Variants in CPNE8 observed in about 807,000 individuals in gnomAD.
CPNE8 encodes copine 8.
In CPNE8, 45 loss-of-function variants were observed where a neutral mutation model predicts 81.5. The ratio of observed to expected loss-of-function variants is 0.55; its 90% CI spans 0.44 to 0.71. The LOEUF is 0.71. CPNE8 is among the 30% of genes least tolerant of loss of function. The pLI, the probability that CPNE8 is intolerant of heterozygous loss-of-function variation, is 0.00. For synonymous variants in CPNE8, 252 were observed against 226.3 expected (o/e 1.11, Z -1.02); for missense variants, 594 against 672.1 (o/e 0.88, Z 1.28).
At chr12:38,724,617 C>G (rs1940650590) in intron 12 of CPNE8, among the ~76,000 whole-genome samples, 1 of 152,106 alleles carries the variant, frequency 6.6e-6, no homozygotes, top group African/African-American at 2.4e-5. Context: ...GGCCTTGCAG[C>G]CCCTAGGATA....
At chr12:38,747,786 G>T (rs776160184) in intron 10 of CPNE8, among the ~76,000 whole-genome samples, 52 of 151,898 alleles carry the variant, frequency 3.4e-4, no homozygotes, top group Admixed American at 6.6e-4. Context: ...TACTAATCAC[G>T]CTGAATACTT....
intron 8 of CPNE8, among the ~76,000 whole-genome samples, chr12:38,767,002 T>C: frequency 6.6e-6 from 1 of 152,118 alleles, no homozygotes; most frequent in Admixed American, 6.5e-5. Flanking sequence ...GGTTATTATT[T>C]AAATCTAGAC....
At chr12:38,750,139 G>C (rs1237431506) in intron 10 of CPNE8, among the ~76,000 whole-genome samples, 1 of 152,136 alleles carries the variant, frequency 6.6e-6, no homozygotes, top group Non-Finnish European at 1.5e-5. Context: ...TTCAGAGGGT[G>C]GAAGCCCCAA....
chr12:38,670,960 A>G, intron 18 of CPNE8, 158 bp from the exon 19 acceptor site: 1 of 537,792 alleles, frequency 1.9e-6, no homozygotes, highest in East Asian at 3.3e-5. Flanking sequence ...TTCTCATACA[A>G]AACTTGATTA....
In CPNE8 at chr12:38,670,721, T is replaced by C. The variant is rs1939156130; in HGVS notation, c.1506+8A>G. 2 of 1,592,866 alleles carry C rather than the reference T, an allele frequency of 1.3e-6. No individual in the cohort carries two copies. The highest frequency in any genetic ancestry group is 1.7e-6 in the Non-Finnish European group (2 of 1,164,960). On this transcript the variant is annotated splice_region_variant and intron_variant, in intron 19 of 19. Transcript: ENST00000331366. ...CAATAGTAAAGTAGGAAAAGGTTTA[T>C]TTCTTACCTGCACAATGTCTCTTTC...
At chr12:38,790,279 C>T (rs1175004289) in intron 6 of CPNE8, among the ~76,000 whole-genome samples, 1 of 151,532 alleles carries the variant, frequency 6.6e-6, no homozygotes, top group East Asian at 1.9e-4. Context: ...TGAGATCCTG[C>T]CATTTAAAAC....
chr12:38,902,674 C>G (rs79770455), intron 1 of CPNE8, among the ~76,000 whole-genome samples: 1 of 152,062 alleles, frequency 6.6e-6, no homozygotes, highest in African/African-American at 2.4e-5. Context: ...ATAGAGAAAG[C>G]GGGAACAGGT....
At chr12:38,676,299 C>G (rs1229805954) in intron 17 of CPNE8, 1 of 984,528 alleles carries the variant, frequency 1.0e-6, no homozygotes, top group Admixed American at 6.2e-5. Context: ...CACATTAATC[C>G]AGTGGGACAT....
chr12:38,816,170 G>C (rs1943020929), intron 6 of CPNE8, among the ~76,000 whole-genome samples: 1 of 151,914 alleles, frequency 6.6e-6, no homozygotes, highest in African/African-American at 2.4e-5. Flanking sequence ...CCTAAGTCTT[G>C]GGAAACAAGT....
chr12:38,713,438 T>C (rs1459515381), intron 13 of CPNE8, among the ~76,000 whole-genome samples: 1 of 152,208 alleles, frequency 6.6e-6, no homozygotes, highest in Non-Finnish European at 1.5e-5. Flanking sequence ...GCATGTTTTC[T>C]TATTCCAGAA....
intron 4 of CPNE8, 147 bp downstream of exon 4, chr12:38,848,412 C>G: frequency 7.7e-7 from 1 of 1,301,532 alleles, no homozygotes; most frequent in Admixed American, 3.9e-5. Flanking sequence ...AAGCAGGGGG[C>G]TTGCTTGGGC....
chr12:38,709,023 T>C (rs1592026887), intron 13 of CPNE8, among the ~76,000 whole-genome samples: 1 of 152,342 alleles, frequency 6.6e-6, no homozygotes, highest in South Asian at 2.1e-4. Flanking sequence ...TCACATCCAC[T>C]AGCTGTTGGT....
chr12:38,905,484 C>A lies in CPNE8; in HGVS notation c.51G>T (p.Leu17=). The part of the protein sequence containing the change: ...STAGIGDLNQ[L]SAAIPATRVE... Reference sequence around the variant, plus strand: ...CCCGCGTGGCCGGGATGGCAGCGCTCAGCTGGTTCAAGTCCCCGATGCCCG... The same window carrying A: ...CCCGCGTGGCCGGGATGGCAGCGCTAAGCTGGTTCAAGTCCCCGATGCCCG... The change falls in exon 1 of 20, where the codon CTG becomes CTT. Residue 17 remains leucine (L), a synonymous_variant. Transcript: ENST00000331366. 1.3e-6 allele frequency: 2 copies of A among 1,576,724 alleles called. No homozygotes were observed.
intron 13 of CPNE8, among the ~76,000 whole-genome samples, chr12:38,708,903 G>C (rs1247813020): frequency 6.6e-6 from 1 of 152,182 alleles, no homozygotes; most frequent in Non-Finnish European, 1.5e-5. Context: ...CAGAAGGCTT[G>C]TTTTCCTTTC....
At chr12:38,709,579 A>G (rs947714223) in intron 13 of CPNE8, among the ~76,000 whole-genome samples, 2 of 152,334 alleles carry the variant, frequency 1.3e-5, no homozygotes, top group African/African-American at 4.8e-5. Flanking sequence ...ACCATAAAAG[A>G]ACCTGTCCTT....
rs762013581 is a variant in CPNE8, at chr12:38,793,487, C to A, written c.408-17186G>T. On this transcript the variant is annotated intron_variant, in intron 6 of 19. Coordinates refer to ENST00000331366, the MANE Select transcript of CPNE8 (RefSeq NM_153634.3). ...TCATTTACAATAGCATTAAAATGAA[C>A]AAAATACTTAGAAATAAACCTAACC... is the stretch of plus-strand genomic sequence containing the variant. Among the ~76,000 whole-genome samples, 8 of 151,638 alleles carry A rather than the reference C, an allele frequency of 5.3e-5. No homozygotes were observed. In the South Asian group the frequency reaches 1.0e-3, roughly 20 times the overall value.
intron 13 of CPNE8, 28 bp downstream of exon 13, chr12:38,723,744 A>G: frequency 6.9e-7 from 1 of 1,438,876 alleles, no homozygotes. Flanking sequence ...ATGCCTAAGC[A>G]ACGAAACAAT....
intron 19 of CPNE8, among the ~76,000 whole-genome samples, chr12:38,658,894 A>G (rs945097370): frequency 1.3e-5 from 2 of 152,222 alleles, no homozygotes; most frequent in Non-Finnish European, 2.9e-5. Flanking sequence ...GAGCTCCTGA[A>G]GGAAACACTA....
intron 4 of CPNE8, among the ~76,000 whole-genome samples, chr12:38,844,279 T>A (rs1253311399): frequency 1.3e-5 from 2 of 152,162 alleles, no homozygotes; most frequent in African/African-American, 2.4e-5. Flanking sequence ...TGAATTATCC[T>A]CTATCTGGCA....
Sources: gnomAD v4.1 joint callset for allele counts (sites outside exome capture counted in the v4.1 genomes callset) on GRCh38, gnomAD v4.1.1 for gene constraint, MANE v1.5 for transcripts, NCBI Gene and HGNC (gene_info 2026-07-23, HGNC 2026-07-21) for gene names.